The following CCDC32 variants were observed in gnomAD, a reference collection of about 807,000 sequenced individuals.
The protein encoded by CCDC32 is coiled-coil domain containing 32.
A neutral mutation model predicts 20.1 loss-of-function variants in CCDC32; 9 were observed. The observed-to-expected ratio is 0.45, with a 90% CI of 0.27 to 0.78. The LOEUF is 0.78. Ranked by LOEUF, CCDC32 falls within the 30% of genes least tolerant of loss-of-function variation. The pLI, the probability that CCDC32 is intolerant of heterozygous loss-of-function variation, is 0.16. For synonymous variants in CCDC32, 63 were observed against 79.0 expected, an observed-to-expected ratio of 0.80 and a Z score of 1.07; for missense variants, 204 against 215.5, an observed-to-expected ratio of 0.95 and a Z score of 0.33.
In CCDC32 at chr15:40,562,855, C is replaced by T. The variant is rs140115092; in HGVS notation, c.161G>A (p.Arg54Lys). Residue 54 changes from arginine (R) to lysine (K), a missense_variant, in exon 2 of 4, where the codon AGG (arginine) becomes AAG (lysine). Transcript: ENST00000416810. Reference protein sequence around the residue: ...VDSCPEGEGQREVADFAVQPA... With the variant: ...VDSCPEGEGQKEVADFAVQPA... ...CTGGACAGCAAAGTCAGCCACCTCC[C>T]TCTGGCCTTCACCTTCAGGGCAAGA... 3.1e-6 allele frequency: 5 copies of T among 1,614,116 alleles called. No homozygotes were observed. The African/African-American group carries it at 6.7e-5, about 22-fold the overall frequency.
downstream of CCDC32, among the ~76,000 whole-genome samples, chr15:40,526,432 C>T (rs1161125643): frequency 2.0e-5 from 3 of 152,154 alleles, no homozygotes; most frequent in Non-Finnish European, 2.9e-5. Context: ...TTATTATTGA[C>T]AGTCACATGG....
chr15:40,561,007 C>T (rs1890583207), intron 2 of CCDC32, among the ~76,000 whole-genome samples: 1 of 152,150 alleles, frequency 6.6e-6, no homozygotes, highest in African/African-American at 2.4e-5. Flanking sequence ...GGAATATATA[C>T]ACCATAGAAC....
intron 3 of CCDC32, among the ~76,000 whole-genome samples, chr15:40,541,692 C>T (rs1889402594): frequency 6.6e-6 from 1 of 152,216 alleles, no homozygotes. Context: ...CCACAGTGGA[C>T]CTACTCAACA....
intron 2 of CCDC32, chr15:40,557,736 A>G (rs1038559705): frequency 8.9e-5 from 14 of 157,220 alleles, no homozygotes; most frequent in African/African-American, 7.2e-5. Context: ...TCTTTTTTCA[A>G]CTCCTTGAAA....
intron 2 of CCDC32, chr15:40,557,641 A>G (rs1890337142): frequency 6.5e-6 from 2 of 309,868 alleles, no homozygotes; most frequent in Non-Finnish European, 1.2e-5. Context: ...AGTCAATGGC[A>G]TGTTTTCTTT....
intron 2 of CCDC32, among the ~76,000 whole-genome samples, chr15:40,561,745 C>T (rs923235659): frequency 3.3e-5 from 5 of 151,972 alleles, no homozygotes; most frequent in African/African-American, 1.2e-4. Context: ...CCTGTAATCC[C>T]AGCACTTCAG....
At chr15:40,560,732 C>T (rs10444792) in intron 2 of CCDC32, among the ~76,000 whole-genome samples, 134,607 of 152,238 alleles carry the variant, frequency 0.88, 59,810 homozygotes, top group Non-Finnish European at 0.93. Flanking sequence ...GATGTTGGCA[C>T]GGATGTGGTA....
downstream of CCDC32, among the ~76,000 whole-genome samples, chr15:40,549,739 G>A (rs901015460): frequency 2.6e-5 from 4 of 152,240 alleles, no homozygotes; most frequent in East Asian, 1.9e-4. Context: ...AACAGCCCTC[G>A]CACAAACCTA....
chr15:40,560,750 A>G (rs1226850764), intron 2 of CCDC32, among the ~76,000 whole-genome samples: 1 of 152,222 alleles, frequency 6.6e-6, no homozygotes, highest in Non-Finnish European at 1.5e-5. Context: ...GTAAAAAGAG[A>G]ATCCTTATAC....
chr15:40,522,807 A>G, the CCDC32 span, among the ~76,000 whole-genome samples: 1 of 149,292 alleles, frequency 6.7e-6, no homozygotes, highest in Non-Finnish European at 1.5e-5. Context: ...AGGTGCTGCC[A>G]CAGGTTTCTG....
chr15:40,521,820 G>A, the CCDC32 span, among the ~76,000 whole-genome samples: 1 of 152,134 alleles, frequency 6.6e-6, no homozygotes, highest in South Asian at 2.1e-4. Context: ...GTCATTTTAT[G>A]ATTGAGTTGT....
At chr15:40,539,880 A>ACACACACACACACACCCC (rs769226221) in intron 3 of CCDC32, among the ~76,000 whole-genome samples, 2 of 139,040 alleles carry the variant, frequency 1.4e-5, no homozygotes, top group Non-Finnish European at 3.2e-5. Context: ...ACACACACAC[A>ACACACACACACACACCCC]CCCCGCTCCT....
chr15:40,557,710 CAT>C (rs1890342567), intron 2 of CCDC32: 1 of 190,010 alleles, frequency 5.3e-6, no homozygotes, highest in Admixed American at 5.5e-5. Flanking sequence ...CCTGGTTTGA[CAT>C]GTGTATACTA....
Position 40,553,776 on chromosome 15 carries a change from A to G in CCDC32, c.*195T>C. 1 of 1,373,482 alleles carries G rather than the reference A, an allele frequency of 7.3e-7. No homozygotes were observed. The allele number at this position is 1,373,482 out of a possible 1,614,324, so 85.1% of individuals were successfully genotyped here. On this transcript the variant is annotated 3_prime_UTR_variant, in exon 4 of 4. Coordinates refer to ENST00000416810, the MANE Select transcript of CCDC32 (RefSeq NM_001080792.4). ...ACAGTCACACATGCCAGCCCCAGGTAAGTCCCTGGGGGCTTGCAGCTGTTT... is the reference window on the plus strand; with the variant it reads ...ACAGTCACACATGCCAGCCCCAGGTGAGTCCCTGGGGGCTTGCAGCTGTTT...
At chr15:40,558,424 T>C (rs1890394023) in intron 2 of CCDC32, among the ~76,000 whole-genome samples, 1 of 152,190 alleles carries the variant, frequency 6.6e-6, no homozygotes, top group Admixed American at 6.5e-5. Context: ...GGGTTATCCA[T>C]AGCATACATT....
downstream of CCDC32, among the ~76,000 whole-genome samples, chr15:40,548,212 AGGACGGAAG>A (rs1165343856): frequency 3.3e-5 from 5 of 152,270 alleles, no homozygotes; most frequent in Admixed American, 6.5e-5. Flanking sequence ...TCACATTGTT[AGGACGGAAG>A]GGACATTTTC....
chr15:40,523,300 T>C, the CCDC32 span, among the ~76,000 whole-genome samples: 1 of 151,428 alleles, frequency 6.6e-6, no homozygotes, highest in Admixed American at 6.6e-5. Flanking sequence ...AGGTCAGAAG[T>C]TCAAGACCAG....
At chr15:40,530,486 TCC>T (rs1459107878), downstream of CCDC32, among the ~76,000 whole-genome samples, 2 of 146,146 alleles carry the variant, frequency 1.4e-5, no homozygotes, top group East Asian at 4.0e-4. Flanking sequence ...TCTCTCTCTC[TCC>T]CTCTCTCTCT....
chr15:40,549,475 T>C (rs1028158248), downstream of CCDC32, among the ~76,000 whole-genome samples: 1 of 152,150 alleles, frequency 6.6e-6, no homozygotes, highest in African/African-American at 2.4e-5. Flanking sequence ...TAACACGGCC[T>C]CTCTCCTACC....
Sources: gnomAD v4.1 joint callset for allele counts (sites outside exome capture counted in the v4.1 genomes callset) on GRCh38, gnomAD v4.1.1 for gene constraint, MANE v1.5 for transcripts, NCBI Gene and HGNC (gene_info 2026-07-23, HGNC 2026-07-21) for gene names.